PCDH15: variants seen among roughly 807,000 people sequenced by gnomAD.
The protein encoded by PCDH15 is protocadherin related 15.
In PCDH15, 129 loss-of-function variants were observed where a neutral mutation model predicts 178.5. The ratio of observed to expected loss-of-function variants is 0.72; its 90% CI spans 0.63 to 0.84. The LOEUF (loss-of-function observed/expected upper bound fraction) is 0.84, where lower values mean the gene tolerates loss of function less well. Ranked by LOEUF, PCDH15 falls within the 40% of genes least tolerant of loss-of-function variation. The pLI, the probability that PCDH15 is intolerant of heterozygous loss-of-function variation, is 0.00. For synonymous variants in PCDH15, 800 were observed against 732.0 expected, an observed-to-expected ratio of 1.09 and a Z score of -1.50; for missense variants, 2,230 against 2,099.9, an observed-to-expected ratio of 1.06 and a Z score of -1.21.
intron 27 of PCDH15, among the ~76,000 whole-genome samples, chr10:53,857,908 G>A (rs2078861855): frequency 1.3e-5 from 2 of 151,760 alleles, no homozygotes; most frequent in Non-Finnish European, 2.9e-5. Context: ...TATTTATTCT[G>A]TGCTTACAAC....
At chr10:54,156,021 T>G (rs1162319592) in intron 13 of PCDH15, among the ~76,000 whole-genome samples, 1 of 152,182 alleles carries the variant, frequency 6.6e-6, no homozygotes, top group African/African-American at 2.4e-5. Flanking sequence ...ATCTGCTTCC[T>G]AAATGAAAAG....
At chr10:54,390,779 A>G (rs889426451) in intron 3 of PCDH15, among the ~76,000 whole-genome samples, 7 of 152,194 alleles carry the variant, frequency 4.6e-5, no homozygotes, top group African/African-American at 1.7e-4. Context: ...TAAGGCTATT[A>G]GGCAGAAGAG....
intron 3 of PCDH15, among the ~76,000 whole-genome samples, chr10:54,849,682 T>C (rs560275711): frequency 6.6e-6 from 1 of 152,328 alleles, no homozygotes; most frequent in South Asian, 2.1e-4. Context: ...TATTATTATG[T>C]TGGTGCAAAT....
intron 1 of PCDH15, among the ~76,000 whole-genome samples, chr10:54,782,109 C>T (rs972641661): frequency 1.3e-5 from 2 of 152,030 alleles, no homozygotes; most frequent in African/African-American, 4.8e-5. Flanking sequence ...TCAAAGTATT[C>T]CATGCAGAAC....
chr10:55,619,617 T>G (rs112265754), intron 2 of PCDH15, among the ~76,000 whole-genome samples: 1 of 152,046 alleles, frequency 6.6e-6, no homozygotes, highest in Non-Finnish European at 1.5e-5. Context: ...AGTTAATAAA[T>G]GTAATGTACT....
chr10:54,761,201 C>T (rs956733880), intron 1 of PCDH15, among the ~76,000 whole-genome samples: 1 of 152,070 alleles, frequency 6.6e-6, no homozygotes, highest in Non-Finnish European at 1.5e-5. Flanking sequence ...CTGCCTGAAT[C>T]TTGCCCCCCC....
At chr10:54,933,644 C>A (rs1460912093) in intron 2 of PCDH15, among the ~76,000 whole-genome samples, 1 of 152,014 alleles carries the variant, frequency 6.6e-6, no homozygotes, top group Non-Finnish European at 1.5e-5. Context: ...TTAATTAGTA[C>A]CCATTTCCCA....
intron 21 of PCDH15, among the ~76,000 whole-genome samples, chr10:53,972,992 C>A (rs540132689): frequency 6.6e-6 from 1 of 152,014 alleles, no homozygotes; most frequent in East Asian, 1.9e-4. Flanking sequence ...ACATGCACAC[C>A]TATGTTTATT....
intron 2 of PCDH15, among the ~76,000 whole-genome samples, chr10:54,995,892 G>T (rs1258437231): frequency 6.6e-6 from 1 of 151,740 alleles, no homozygotes; most frequent in Non-Finnish European, 1.5e-5. Context: ...CTCACACATG[G>T]TTACATTTCT....
intron 3 of PCDH15, among the ~76,000 whole-genome samples, chr10:54,810,424 G>A (rs1217466062): frequency 6.6e-6 from 1 of 152,000 alleles, no homozygotes; most frequent in Non-Finnish European, 1.5e-5. Context: ...AGTGCCTCTT[G>A]CAATATTATG....
chr10:54,484,871 A>C lies in PCDH15; in HGVS notation c.157+42941T>G, dbSNP rs557702185. 1.0e-3 allele frequency among the ~76,000 whole-genome samples: 153 copies of C among 151,972 alleles called. 1 individual carries two copies. The East Asian group carries it at 0.013, about 13-fold the overall frequency. ...AATGAACATGTGTATAGAGCCTTTT[A>C]AAACATCCCATCAAGCACTGCACAG... On this transcript the variant is annotated intron_variant, in intron 3 of 37. Coordinates refer to ENST00000644397, the MANE Select transcript of PCDH15 (RefSeq NM_001384140.1).
At chr10:54,996,270 T>C (rs1263197938) in intron 2 of PCDH15, among the ~76,000 whole-genome samples, 2 of 152,208 alleles carry the variant, frequency 1.3e-5, no homozygotes, top group Non-Finnish European at 2.9e-5. Context: ...GAATAGCCTT[T>C]GACATTTGAC....
chr10:54,565,943 G>T (rs2088962567), intron 2 of PCDH15, among the ~76,000 whole-genome samples: 2 of 152,124 alleles, frequency 1.3e-5, no homozygotes, highest in African/African-American at 4.8e-5. Context: ...AATTAGCCAG[G>T]TGTGGTGATG....
chr10:54,531,099 A>G (rs952490288), intron 2 of PCDH15, among the ~76,000 whole-genome samples: 2 of 152,154 alleles, frequency 1.3e-5, no homozygotes, highest in Non-Finnish European at 2.9e-5. Flanking sequence ...ATTGTACCCT[A>G]TGGTCTGTGG....
At chr10:54,644,045 A>G (rs2094062933) in intron 2 of PCDH15, among the ~76,000 whole-genome samples, 1 of 120,972 alleles carries the variant, frequency 8.3e-6, no homozygotes, top group Admixed American at 1.1e-4. Flanking sequence ...TTCAATTCCC[A>G]CCTATGAGTG....
chr10:55,065,675 A>G (rs970761690), intron 2 of PCDH15, among the ~76,000 whole-genome samples: 1 of 152,096 alleles, frequency 6.6e-6, no homozygotes, highest in African/African-American at 2.4e-5. Flanking sequence ...TATTTGTGAA[A>G]TAAGTGAAAT....
intron 3 of PCDH15, among the ~76,000 whole-genome samples, chr10:54,498,280 C>G (rs1166779172): frequency 1.3e-5 from 2 of 152,114 alleles, no homozygotes; most frequent in Non-Finnish European, 2.9e-5. Context: ...AACCACCAGA[C>G]CTGCCTTACA....
chr10:55,098,681 T>G, intron 2 of PCDH15, among the ~76,000 whole-genome samples: 1 of 152,056 alleles, frequency 6.6e-6, no homozygotes, highest in Non-Finnish European at 1.5e-5. Context: ...CTTCCCCGCA[T>G]GCTATGTAAA....
In PCDH15 at chr10:54,853,578, C is replaced by A. The variant is rs1427115491; in HGVS notation, c.-29+43872G>T. 4.0e-5 allele frequency among the ~76,000 whole-genome samples: 6 copies of A among 150,090 alleles called. No individual in the cohort carries two copies. In the East Asian group the frequency reaches 7.8e-4, roughly 20 times the overall value. Reference sequence around the variant, plus strand: ...CCAGCCCACTTCATGTGTGTATTTACCAAATATAAATCAAAAATACCTTCC... The same window carrying A: ...CCAGCCCACTTCATGTGTGTATTTAACAAATATAAATCAAAAATACCTTCC... On this transcript the variant is annotated intron_variant, in intron 3 of 5. Coordinates refer to the PCDH15 transcript ENST00000458638.
Sources: allele counts gnomAD v4.1 joint callset (sites outside exome capture counted in the v4.1 genomes callset), GRCh38; gene constraint gnomAD v4.1.1; transcripts MANE v1.5; gene names NCBI Gene and HGNC (gene_info 2026-07-23, HGNC 2026-07-21).